REL: variants seen among roughly 807,000 people sequenced by gnomAD.
REL encodes the protein proto-oncogene c-Rel.
A neutral mutation model predicts 45.9 loss-of-function variants in REL; 15 were observed. That is an observed-to-expected ratio of 0.33 (90% CI 0.22 to 0.50). The LOEUF (loss-of-function observed/expected upper bound fraction) is 0.50, where lower values mean the gene tolerates loss of function less well. REL is among the 20% of genes least tolerant of loss of function. The probability of loss-of-function intolerance (pLI) is 0.98; values close to 1 mark genes in which losing one functional copy is unlikely to be tolerated. For missense variants in REL, 601 were observed against 715.2 expected (o/e 0.84, Z 1.82); for synonymous variants, 239 against 242.1 (o/e 0.99, Z 0.12).
In REL at chr2:60,922,381, G is replaced by A. The variant is rs1334723419; in HGVS notation, c.1610G>A (p.Cys537Tyr). The change falls in exon 10 of 10, where the codon TGT (cysteine) becomes TAT (tyrosine). Residue 537 changes from cysteine to tyrosine, a missense_variant. By Grantham distance (194) the Cys-to-Tyr change is radical. Around this residue, in one of 4 missense-constraint regions of REL, gnomAD observed 334 missense variants for 333.1 expected, o/e 1.00. Transcript: ENST00000394479. ...SDAFEGSDFS[C>Y]ADNSMINESG... ...GCATTTGAGGGATCTGACTTCAGTT[G>A]TGCAGATAACAGCATGATAAATGAG... 1.2e-6 allele frequency: 2 copies of A among 1,614,094 alleles called. No homozygotes were observed. The highest frequency in any genetic ancestry group is 1.7e-5 in the Admixed American group (1 of 60,012).
At chr2:60,896,405 G>A (rs1673349063) in intron 3 of REL, among the ~76,000 whole-genome samples, 3 of 151,840 alleles carry the variant, frequency 2.0e-5, no homozygotes, top group Admixed American at 2.0e-4. Context: ...TAATACTAAG[G>A]TATTAATAGT....
intron 4 of REL, among the ~76,000 whole-genome samples, chr2:60,905,431 T>C (rs942606500): frequency 3.3e-5 from 5 of 152,284 alleles, no homozygotes; most frequent in South Asian, 2.1e-4. Context: ...CTTTCAGCAG[T>C]GGTTCTCAAT....
chr2:60,896,113 C>T (rs558711250), intron 3 of REL, among the ~76,000 whole-genome samples: 1 of 152,116 alleles, frequency 6.6e-6, no homozygotes, highest in South Asian at 2.1e-4. Context: ...AGTGATTCTC[C>T]TGCCTCAGCC....
At chr2:60,884,621 A>G (rs1448931174) in intron 1 of REL, among the ~76,000 whole-genome samples, 1 of 152,120 alleles carries the variant, frequency 6.6e-6, no homozygotes, top group African/African-American at 2.4e-5. Flanking sequence ...AAACCTTCTC[A>G]TTGTTCCAGT....
chr2:60,909,856 T>C (rs1193947409), intron 4 of REL, among the ~76,000 whole-genome samples: 2 of 151,996 alleles, frequency 1.3e-5, no homozygotes, highest in Admixed American at 1.3e-4. Flanking sequence ...TCAGCTGAGA[T>C]GGCGCCACTG....
chr2:60,892,245 G>A (rs902506807), intron 2 of REL, among the ~76,000 whole-genome samples: 3 of 152,186 alleles, frequency 2.0e-5, no homozygotes, highest in Middle Eastern at 3.4e-3. Context: ...TAGTCTTAGG[G>A]CTAGAACATT....
At chr2:60,911,062 A>C (rs922370577) in intron 4 of REL, among the ~76,000 whole-genome samples, 2 of 152,236 alleles carry the variant, frequency 1.3e-5, no homozygotes, top group Non-Finnish European at 2.9e-5. Context: ...GAAATATCAG[A>C]AACATTCGCT....
chr2:60,881,802 G>A lies in REL; in HGVS notation c.-39G>A, dbSNP rs1011867438. On this transcript the variant is annotated 5_prime_UTR_variant, in exon 1 of 10. Coordinates refer to ENST00000394479, the MANE Select transcript of REL (RefSeq NM_001291746.2). ...GACTGCGGCCGCCTCCGGCCAGGAC[G>A]CTGGGAGCTGCCTGCGGGAAGGTGC... 16 of 1,527,022 alleles carry A rather than the reference G, an allele frequency of 1.0e-5. No individual in the cohort carries two copies. In the South Asian group the frequency reaches 1.2e-4, roughly 11 times the overall value. The allele number at this position is 1,527,022 out of a possible 1,614,324, so 94.6% of individuals were successfully genotyped here.
rs554821546 is a variant in REL, at chr2:60,881,860, C to T, written c.10+10C>T. ...GGAGCCATGGCCTCCGGTGAGTGTT[C>T]ATGGGGCGCGGGCCTGGGCCGGGGG... On this transcript the variant is annotated intron_variant, in intron 1 of 9. Coordinates refer to ENST00000394479, the MANE Select transcript of REL (RefSeq NM_001291746.2). The T allele has an allele frequency of 1.3e-3, 1,919 of 1,490,038 alleles. 1 individual carries two copies. Among genetic ancestry groups the T allele is most frequent in the Non-Finnish European group, 1.6e-3 (1,767 of 1,119,802 alleles). The allele number at this position is 1,490,038 out of a possible 1,614,324, so 92.3% of individuals were successfully genotyped here. A position where few individuals can be genotyped will look rare whatever the true frequency, so the allele number is the denominator to read the frequency against.
chr2:60,918,351 C>G (rs1029037308), intron 6 of REL, 43 bp from the exon 7 acceptor site: 1 of 1,558,332 alleles, frequency 6.4e-7, no homozygotes, highest in African/African-American at 1.4e-5. Context: ...GATGCAGTTA[C>G]TTTGTTTTCC....
chr2:60,882,125 C>T (rs111236481), intron 1 of REL, among the ~76,000 whole-genome samples: 176 of 152,180 alleles, frequency 1.2e-3, no homozygotes, highest in African/African-American at 4.1e-3. Context: ...CATAAGCGAA[C>T]CAAAGGAGGA....
chr2:60,924,897 G>A lies in REL; in HGVS notation c.*2362G>A, dbSNP rs1674233506. On this transcript the variant is annotated 3_prime_UTR_variant, in exon 10 of 10. Coordinates refer to ENST00000394479, the MANE Select transcript of REL (RefSeq NM_001291746.2). ...ATACTTTATGTGAGTTGTTATAGCT[G>A]TAACATTACACTTTATTTGCTGTTT... is the stretch of plus-strand genomic sequence containing the variant. The A allele has an allele frequency of 9.4e-6, 2 of 213,338 alleles. No individual in the cohort carries two copies. The highest frequency in any genetic ancestry group is 5.8e-5 in the Admixed American group (1 of 17,126). 13.2% of individuals were successfully genotyped at this position (213,338 alleles called of 1,614,324 possible).
Position 60,926,197 on chromosome 2 carries a change from T to G in REL, c.*3662T>G, listed in dbSNP as rs1674264089. On this transcript the variant is annotated 3_prime_UTR_variant, in exon 10 of 10. Coordinates refer to ENST00000394479, the MANE Select transcript of REL (RefSeq NM_001291746.2). ...CCTTACATCACCACTTAGTGATTCC[T>G]TTCTTTGTATAAACATGGTAAATGT... The G allele has an allele frequency of 8.7e-6, 2 of 230,898 alleles. No individual in the cohort carries two copies. The highest frequency in any genetic ancestry group is 1.7e-5 in the Non-Finnish European group (2 of 116,198). The allele number at this position is 230,898 out of a possible 1,614,324, so 14.3% of individuals were successfully genotyped here.
At chr2:60,897,021 T>C (rs1368582833) in intron 3 of REL, among the ~76,000 whole-genome samples, 1 of 152,240 alleles carries the variant, frequency 6.6e-6, no homozygotes, top group Non-Finnish European at 1.5e-5. Flanking sequence ...CTTCAGTTTT[T>C]TACATTATTG....
rs189116755 is a variant in REL at position 60,927,793 on chromosome 2, G to A, written c.*5258G>A. On this transcript the variant is annotated 3_prime_UTR_variant, in exon 10 of 10. Coordinates refer to ENST00000394479, the MANE Select transcript of REL (RefSeq NM_001291746.2). ...AATGTACAGCTTAATTAATTTTTAT[G>A]TATGTTAACACCCATGTCACCACCA... is the stretch of plus-strand genomic sequence containing the variant. 1.8e-4 allele frequency: 42 copies of A among 227,976 alleles called. No individual in the cohort carries two copies. Among genetic ancestry groups the A allele is most frequent in the Non-Finnish European group, 2.0e-4 (23 of 114,702 alleles). 14.1% of individuals were successfully genotyped at this position (227,976 alleles called of 1,614,324 possible).
At chr2:60,909,473 G>A (rs943223230) in intron 4 of REL, among the ~76,000 whole-genome samples, 1 of 140,686 alleles carries the variant, frequency 7.1e-6, no homozygotes, top group African/African-American at 2.7e-5. Flanking sequence ...TCTATTATTT[G>A]TAGAGACAGG....
Position 60,881,827 on chromosome 2 carries a change from C to G in REL, c.-14C>G, listed in dbSNP as rs776959686. 1 of 1,521,616 alleles carries G rather than the reference C, an allele frequency of 6.6e-7. No homozygotes were observed. Among genetic ancestry groups the G allele is most frequent in the South Asian group, 1.2e-5 (1 of 83,020 alleles). 94.3% of individuals were successfully genotyped at this position (1,521,616 alleles called of 1,614,324 possible). On this transcript the variant is annotated 5_prime_UTR_variant, in exon 1 of 10. Coordinates refer to ENST00000394479, the MANE Select transcript of REL (RefSeq NM_001291746.2). Reference sequence around the variant, plus strand: ...GCTGGGAGCTGCCTGCGGGAAGGTGCGGGGAGCGGAGCCATGGCCTCCGGT... The same window carrying G: ...GCTGGGAGCTGCCTGCGGGAAGGTGGGGGGAGCGGAGCCATGGCCTCCGGT...
chr2:60,903,101 A>G (rs753090211), intron 4 of REL, among the ~76,000 whole-genome samples: 1 of 152,218 alleles, frequency 6.6e-6, no homozygotes, highest in East Asian at 1.9e-4. Flanking sequence ...GTCTAGATGC[A>G]ATATAAAACA....
At chr2:60,920,177 A>C (rs1674099322) in intron 8 of REL, 68 bp downstream of exon 8, 2 of 1,196,860 alleles carry the variant, frequency 1.7e-6, no homozygotes, top group South Asian at 2.7e-5. Flanking sequence ...CAGTTTTTCA[A>C]ATTTTATTAT....
Sources: gnomAD v4.1 joint callset for allele counts (sites outside exome capture counted in the v4.1 genomes callset) on GRCh38, gnomAD v4.1.1 for gene constraint, gnomAD v4.1.1 regional missense constraint, MANE v1.5 for transcripts, NCBI Gene and HGNC (gene_info 2026-07-23, HGNC 2026-07-21) for gene names.